NDE1: variants seen among roughly 807,000 people sequenced by gnomAD.
The protein encoded by NDE1 is nudE neurodevelopment protein 1, also known as nuclear distribution protein nudE homolog 1.
Under a neutral mutation model 43.4 loss-of-function variants are expected in NDE1, and 28 were observed. That is an observed-to-expected ratio of 0.65 (90% CI 0.48 to 0.89). The LOEUF is 0.89. NDE1 is among the 40% of genes least tolerant of loss of function. NDE1 has a pLI of 0.00. For missense variants in NDE1, 441 were observed against 434.1 expected, an observed-to-expected ratio of 1.02 and a Z score of -0.14; for synonymous variants, 184 against 172.0, an observed-to-expected ratio of 1.07 and a Z score of -0.55.
chr16:15,656,059 G>A (rs1291879512), intron 1 of NDE1, among the ~76,000 whole-genome samples: 2 of 151,230 alleles, frequency 1.3e-5, no homozygotes, highest in African/African-American at 2.4e-5. Context: ...CAGCACACCA[G>A]CATGGCACAT....
At chr16:15,677,563 G>C (rs2037945721) in intron 3 of NDE1, among the ~76,000 whole-genome samples, 1 of 151,610 alleles carries the variant, frequency 6.6e-6, no homozygotes, top group African/African-American at 2.4e-5. Flanking sequence ...TCAAGCCTGG[G>C]CAACAGAGTG....
intron 8 of NDE1, among the ~76,000 whole-genome samples, chr16:15,707,497 G>A (rs1274797114): frequency 1.3e-5 from 2 of 152,134 alleles, no homozygotes; most frequent in African/African-American, 4.8e-5. Context: ...CAGCTGGTAG[G>A]AGAGCTGCTT....
chr16:15,674,016 A>C (rs1246461401), intron 3 of NDE1, among the ~76,000 whole-genome samples: 1 of 152,116 alleles, frequency 6.6e-6, no homozygotes, highest in African/African-American at 2.4e-5. Flanking sequence ...CTCAGTGTTC[A>C]TGTCTCTGAA....
intron 8 of NDE1, among the ~76,000 whole-genome samples, chr16:15,716,951 G>A (rs944177345): frequency 1.4e-4 from 22 of 152,332 alleles, no homozygotes; most frequent in Admixed American, 2.6e-4. Context: ...GCTTGCCCTA[G>A]GCCAGGAACC....
intron 1 of NDE1, among the ~76,000 whole-genome samples, chr16:15,656,951 T>C (rs1348794267): frequency 6.6e-6 from 1 of 152,194 alleles, no homozygotes; most frequent in Non-Finnish European, 1.5e-5. Context: ...CTGATCACAT[T>C]GGATCTTGCA....
chr16:15,712,721 G>A (rs1200318243), intron 8 of NDE1, among the ~76,000 whole-genome samples: 2 of 151,860 alleles, frequency 1.3e-5, no homozygotes, highest in African/African-American at 4.8e-5. Context: ...GGATGGTGTC[G>A]GGGAAGTCCA....
chr16:15,724,586 G>C lies in NDE1; in HGVS notation c.*335G>C. On this transcript the variant is annotated 3_prime_UTR_variant, in exon 9 of 9. Coordinates refer to ENST00000396354, the MANE Select transcript of NDE1 (RefSeq NM_017668.3). ...CACTCCACCGCGATCTGCCTGCGGG[G>C]GATCTCAGCGCAGAGAAGTTGAGAG... The C allele has an allele frequency of 1.2e-6, 2 of 1,611,232 alleles. No individual in the cohort carries two copies. Among genetic ancestry groups the C allele is most frequent in the South Asian group, 2.2e-5 (2 of 90,978 alleles).
At chr16:15,713,357 A>T (rs1199930074) in intron 8 of NDE1, 1 of 152,178 alleles carries the variant, frequency 6.6e-6, no homozygotes, top group Non-Finnish European at 1.5e-5. Flanking sequence ...AGTAGGAAGT[A>T]AGGTCCCCAG....
chr16:15,670,962 G>A (rs1567631503), intron 3 of NDE1, among the ~76,000 whole-genome samples: 1 of 152,152 alleles, frequency 6.6e-6, no homozygotes, highest in Non-Finnish European at 1.5e-5. Context: ...CTTTCTGTTG[G>A]AGACCACAGA....
intron 1 of NDE1, among the ~76,000 whole-genome samples, chr16:15,650,929 C>T (rs896444225): frequency 1.3e-4 from 20 of 152,312 alleles, no homozygotes; most frequent in African/African-American, 4.6e-4. Flanking sequence ...CCGCTTTGCT[C>T]CCGTCTCTGC....
upstream of NDE1, among the ~76,000 whole-genome samples, chr16:15,645,617 T>C (rs536352953): frequency 1.3e-5 from 2 of 152,344 alleles, no homozygotes; most frequent in South Asian, 4.1e-4. Flanking sequence ...AGGAGACAAT[T>C]ATGAATCAAA....
chr16:15,673,373 T>C (rs1428803761), intron 3 of NDE1, among the ~76,000 whole-genome samples: 2 of 151,976 alleles, frequency 1.3e-5, no homozygotes, highest in Admixed American at 6.6e-5. Flanking sequence ...CCAGCTATTT[T>C]TTGTATTTTT....
chr16:15,694,471 G>A (rs1005693381), intron 7 of NDE1: 87 of 1,319,036 alleles, frequency 6.6e-5, no homozygotes, highest in South Asian at 1.6e-4. Flanking sequence ...TTAGCTTCCC[G>A]AGGAGCTTGG....
intron 8 of NDE1, among the ~76,000 whole-genome samples, chr16:15,710,073 A>C (rs567665642): frequency 2.0e-5 from 3 of 152,348 alleles, no homozygotes; most frequent in African/African-American, 7.2e-5. Context: ...CACCCAAAAG[A>C]TGCAGAAGGC....
intron 8 of NDE1, among the ~76,000 whole-genome samples, chr16:15,706,728 G>A (rs2039478370): frequency 6.6e-6 from 1 of 151,918 alleles, no homozygotes; most frequent in African/African-American, 2.4e-5. Flanking sequence ...AAAAAAATCT[G>A]ATGAGCTGGG....
chr16:15,695,467 C>G, intron 7 of NDE1: 1 of 971,386 alleles, frequency 1.0e-6, no homozygotes. Flanking sequence ...GAGATCGCAC[C>G]GCTGGGTGAC....
rs747923542 is a variant in NDE1, at chr16:15,720,857, C to G, written c.948-3334C>G. ...CACGCACCTGTCTCTGCAGTTGCCT[C>G]CTCTTCTCCTCATTCTGCTCGTCCC... On this transcript the variant is annotated intron_variant, in intron 8 of 8. Transcript: ENST00000396354. 2.5e-6 allele frequency: 4 copies of G among 1,613,640 alleles called. No homozygotes were observed. The highest frequency in any genetic ancestry group is 3.4e-6 in the Non-Finnish European group (4 of 1,180,032).
chr16:15,694,367 A>T (rs912118776), intron 7 of NDE1, 111 bp downstream of exon 7: 19 of 1,542,158 alleles, frequency 1.2e-5, no homozygotes, highest in Non-Finnish European at 1.5e-5. Flanking sequence ...TTTTTTAGAG[A>T]CAGGGTCTTG....
At position 15,654,700 on chromosome 16, in the gene NDE1, T is replaced by G. The variant is rs551105599; in HGVS notation, c.-44+4406T>G. 6.1e-5 allele frequency among the ~76,000 whole-genome samples: 9 copies of G among 148,002 alleles called. No individual in the cohort carries two copies. The East Asian group carries it at 1.8e-3, about 29-fold the overall frequency. The stretch of plus-strand genomic sequence containing the variant: ...GTCAGTTTGCAACCCCTGGGAAGCC[T>G]TGGACTTGAATGCAAAGATCCCTTG... On this transcript the variant is annotated intron_variant, in intron 1 of 8. Transcript: ENST00000396354.
Sources: gnomAD v4.1 joint callset for allele counts (sites outside exome capture counted in the v4.1 genomes callset) on GRCh38, gnomAD v4.1.1 for gene constraint, MANE v1.5 for transcripts, NCBI Gene and HGNC (gene_info 2026-07-23, HGNC 2026-07-21) for gene names.